Variants in GLIS1 observed in about 807,000 individuals in gnomAD.
GLIS1 encodes GLIS family zinc finger 1, also known as zinc finger protein GLIS1.
Under a neutral mutation model 63.8 loss-of-function variants are expected in GLIS1, and 24 were observed. The ratio of observed to expected loss-of-function variants is 0.38; its 90% CI spans 0.27 to 0.53. The LOEUF is 0.53. Among genes scored for constraint, GLIS1 ranks in the 20% least tolerant of loss-of-function variants. GLIS1 has a pLI of 0.85. For synonymous variants in GLIS1, 450 were observed against 482.5 expected, an observed-to-expected ratio of 0.93 and a Z score of 0.88; for missense variants, 1,036 against 1,074.1, an observed-to-expected ratio of 0.96 and a Z score of 0.50.
intron 10 of GLIS1, among the ~76,000 whole-genome samples, chr1:53,507,993 G>A (rs770524844): frequency 6.6e-6 from 1 of 152,190 alleles, no homozygotes; most frequent in Non-Finnish European, 1.5e-5. Flanking sequence ...TCTATCCCGC[G>A]TGGACACGGC....
intron 2 of GLIS1, among the ~76,000 whole-genome samples, chr1:53,727,664 C>T (rs1027501674): frequency 6.6e-6 from 1 of 152,176 alleles, no homozygotes; most frequent in Non-Finnish European, 1.5e-5. Flanking sequence ...GGCCTGGCAG[C>T]TCCAAAGGCT....
intron 2 of GLIS1, among the ~76,000 whole-genome samples, chr1:53,620,868 A>G (rs938368747): frequency 6.6e-6 from 1 of 152,252 alleles, no homozygotes; most frequent in Non-Finnish European, 1.5e-5. Context: ...CACCGTATCC[A>G]GATCTCAGTT....
At chr1:53,617,104 G>A (rs891803634) in intron 2 of GLIS1, among the ~76,000 whole-genome samples, 1 of 151,954 alleles carries the variant, frequency 6.6e-6, no homozygotes, top group Non-Finnish European at 1.5e-5. Context: ...CGCTCAGCCC[G>A]CCAGGAACAA....
chr1:53,586,038 G>A (rs1193739040), intron 4 of GLIS1, among the ~76,000 whole-genome samples: 1 of 152,178 alleles, frequency 6.6e-6, no homozygotes, highest in East Asian at 1.9e-4. Flanking sequence ...CCTTCCCCAG[G>A]CAAGTTATTT....
At chr1:53,698,522 G>C (rs1646490024) in intron 2 of GLIS1, among the ~76,000 whole-genome samples, 1 of 152,232 alleles carries the variant, frequency 6.6e-6, no homozygotes, top group Non-Finnish European at 1.5e-5. Flanking sequence ...TGCCTTCCAA[G>C]CACGCGCCAC....
At chr1:53,612,529 C>T (rs1378995046) in intron 2 of GLIS1, among the ~76,000 whole-genome samples, 3 of 151,950 alleles carry the variant, frequency 2.0e-5, no homozygotes, top group African/African-American at 2.4e-5. Flanking sequence ...TGTGAGCCAC[C>T]GCGCCTGGCC....
intron 2 of GLIS1, among the ~76,000 whole-genome samples, chr1:53,674,427 T>C (rs1016499752): frequency 5.9e-5 from 9 of 152,186 alleles, no homozygotes; most frequent in Non-Finnish European, 1.2e-4. Flanking sequence ...TACAGGAAAG[T>C]GTAAGAAACA....
intron 2 of GLIS1, among the ~76,000 whole-genome samples, chr1:53,686,825 G>A (rs1187333182): frequency 6.6e-6 from 1 of 152,142 alleles, no homozygotes; most frequent in African/African-American, 2.4e-5. Context: ...AACGGTGGCG[G>A]GGGTGGGGCA....
At chr1:53,624,513 A>G (rs572933338) in intron 2 of GLIS1, among the ~76,000 whole-genome samples, 23 of 152,126 alleles carry the variant, frequency 1.5e-4, no homozygotes, top group Non-Finnish European at 2.1e-4. Context: ...AGAGTTGATA[A>G]ATTGGACTAA....
chr1:53,607,583 C>G (rs1004632691), intron 2 of GLIS1, among the ~76,000 whole-genome samples: 83 of 152,152 alleles, frequency 5.5e-4, no homozygotes, highest in African/African-American at 2.0e-3. Flanking sequence ...AAGGGACTTG[C>G]CCAAGGTCAT....
intron 2 of GLIS1, among the ~76,000 whole-genome samples, chr1:53,622,770 G>C (rs1569937201): frequency 6.6e-6 from 1 of 152,146 alleles, no homozygotes; most frequent in African/African-American, 2.4e-5. Context: ...AGGGAGCAAG[G>C]CCCTGCCGAC....
rs569854312 is a variant in GLIS1, at chr1:53,594,975, C to T, written c.453G>A (p.Gln151=). Reference sequence around the variant, plus strand: ...GGAGGCTGCCGTTCACATACGTGGCCTGGGGTCTAGGTGACCTGGAAGACA... The same window carrying T: ...GGAGGCTGCCGTTCACATACGTGGCTTGGGGTCTAGGTGACCTGGAAGACA... ...FPHPDRSPRP[Q]ATYVNGSLPT... is the part of the protein sequence containing the mutation. The change falls in exon 4 of 11, where the codon CAG becomes CAA. Residue 151 remains glutamine, a synonymous_variant. Coordinates refer to ENST00000628545, the MANE Select transcript of GLIS1 (RefSeq NM_001367484.1). The T allele has an allele frequency of 1.9e-5, 27 of 1,438,240 alleles. No individual in the cohort carries two copies. The East Asian group carries it at 6.3e-4, about 34-fold the overall frequency. The allele number at this position is 1,438,240 out of a possible 1,614,324, so 89.1% of individuals were successfully genotyped here.
intron 2 of GLIS1, among the ~76,000 whole-genome samples, chr1:53,662,179 T>G (rs1379345672): frequency 6.6e-6 from 1 of 152,216 alleles, no homozygotes; most frequent in Non-Finnish European, 1.5e-5. Flanking sequence ...TCTTGGGGCC[T>G]CAGACGTTCA....
chr1:53,617,950 C>T (rs1645499966), intron 2 of GLIS1, among the ~76,000 whole-genome samples: 1 of 152,202 alleles, frequency 6.6e-6, no homozygotes, highest in South Asian at 2.1e-4. Flanking sequence ...TTTCTGGATT[C>T]AGTGACAGAG....
At chr1:53,601,680 A>G (rs115865634) in intron 2 of GLIS1, among the ~76,000 whole-genome samples, 2,572 of 152,262 alleles carry the variant, frequency 0.017, 217 homozygotes, top group Admixed American at 0.13. Context: ...TCACCCAAGA[A>G]CACACAGCTA....
Position 53,683,262 on chromosome 1 carries a change from G to A in GLIS1, c.259+54544C>T, listed in dbSNP as rs568155128. ...CCAATGGCCAGGTGCTCATCCAAGCGCTCACACTCAGTAACCCGCTAACGG... is the reference window on the plus strand; with the variant it reads ...CCAATGGCCAGGTGCTCATCCAAGCACTCACACTCAGTAACCCGCTAACGG... On this transcript the variant is annotated intron_variant, in intron 2 of 10. Coordinates refer to ENST00000628545, the MANE Select transcript of GLIS1 (RefSeq NM_001367484.1). Among the ~76,000 whole-genome samples, 67 of 152,192 alleles carry A rather than the reference G, an allele frequency of 4.4e-4. 1 individual carries two copies. The South Asian group carries it at 7.3e-3, about 17-fold the overall frequency.
At chr1:53,521,703 G>A (rs1644411255) in intron 6 of GLIS1, among the ~76,000 whole-genome samples, 1 of 152,218 alleles carries the variant, frequency 6.6e-6, no homozygotes, top group Admixed American at 6.5e-5. Flanking sequence ...GGCTAAGGGT[G>A]AGCCTGGGCT....
chr1:53,707,339 C>A (rs1353500883), intron 2 of GLIS1, among the ~76,000 whole-genome samples: 1 of 152,200 alleles, frequency 6.6e-6, no homozygotes, highest in African/African-American at 2.4e-5. Context: ...TGTTCTGTTG[C>A]AGGATTCTTG....
rs142548038 is a variant in GLIS1, at chr1:53,546,876, C to G, written c.1321-16924G>C. Among the ~76,000 whole-genome samples the G allele has an allele frequency of 2.7e-3, 407 of 152,356 alleles. 1 individual carries two copies. The highest frequency in any genetic ancestry group is 4.7e-3 in the Non-Finnish European group (323 of 68,038). Reference sequence around the variant, plus strand: ...GCTGCCCTGGGGTCCCCCACCATGCCCTTCCTTCCATCACAGCCCCTGGAC... The same window carrying G: ...GCTGCCCTGGGGTCCCCCACCATGCGCTTCCTTCCATCACAGCCCCTGGAC... On this transcript the variant is annotated intron_variant, in intron 4 of 10. Coordinates refer to ENST00000628545, the MANE Select transcript of GLIS1 (RefSeq NM_001367484.1).
Sources: allele counts gnomAD v4.1 joint callset (sites outside exome capture counted in the v4.1 genomes callset), GRCh38; gene constraint gnomAD v4.1.1; transcripts MANE v1.5; gene names NCBI Gene and HGNC (gene_info 2026-07-23, HGNC 2026-07-21).